GON4L: variants seen among roughly 807,000 people sequenced by gnomAD.
GON4L encodes the protein GON-4-like protein.
A neutral mutation model predicts 211.8 loss-of-function variants in GON4L; 87 were observed. The observed-to-expected ratio is 0.41, with a 90% CI of 0.35 to 0.49. GON4L has a LOEUF of 0.49. Among genes scored for constraint, GON4L ranks in the 20% least tolerant of loss-of-function variants. The pLI, the probability that GON4L is intolerant of heterozygous loss-of-function variation, is 0.15. For missense variants in GON4L, 2,155 were observed against 2,659.5 expected, an observed-to-expected ratio of 0.81 and a Z score of 4.17; for synonymous variants, 875 against 962.6, an observed-to-expected ratio of 0.91 and a Z score of 1.68.
In GON4L at chr1:155,777,813, C is replaced by T. The variant is rs201224854; in HGVS notation, c.1900G>A (p.Glu634Lys). Residue 634 changes from glutamate (E) to lysine (K), a missense_variant, in exon 15 of 32, where the codon GAA becomes AAA. Physicochemically the swap from Glu to Lys is moderately conservative, Grantham distance 56 (BLOSUM62 1). Around this residue, in one of 6 missense-constraint regions of GON4L, gnomAD observed 551 missense variants for 854.0 expected, o/e 0.65. Transcript: ENST00000368331. Reference sequence around the variant, plus strand: ...TCATTTAACAGGTTGGCCAGTGGTTCCTCAAACCTATTCCCAACAGGGAGA... The same window carrying T: ...TCATTTAACAGGTTGGCCAGTGGTTTCTCAAACCTATTCCCAACAGGGAGA... Reference protein sequence around the residue: ...FNTPQALRFEEPLANLLNEQH... With the variant: ...FNTPQALRFEKPLANLLNEQH... 1.2e-6 allele frequency: 2 copies of T among 1,606,214 alleles called. No individual in the cohort carries two copies. The highest frequency in any genetic ancestry group is 1.7e-6 in the Non-Finnish European group (2 of 1,173,180).
chr1:155,839,822 AT>A (rs369503246), intron 2 of GON4L, among the ~76,000 whole-genome samples: 3 of 152,324 alleles, frequency 2.0e-5, no homozygotes, highest in African/African-American at 7.2e-5. Flanking sequence ...ATGGTCTCCT[AT>A]GTTAAAGTAA....
intron 10 of GON4L, among the ~76,000 whole-genome samples, chr1:155,809,557 TTATA>T (rs1055785189): frequency 7.0e-6 from 1 of 143,804 alleles, no homozygotes; most frequent in Non-Finnish European, 1.5e-5. Context: ...TACTTATAAA[TTATA>T]TACTTATATA....
chr1:155,777,505 G>C, intron 15 of GON4L, 117 bp downstream of exon 15: 2 of 820,866 alleles, frequency 2.4e-6, no homozygotes, highest in Non-Finnish European at 4.3e-6. Context: ...CTTGAGCCCA[G>C]AAAGCAGAGG....
chr1:155,778,084 A>C (rs1219132656), intron 14 of GON4L, among the ~76,000 whole-genome samples: 3 of 152,154 alleles, frequency 2.0e-5, no homozygotes, highest in African/African-American at 7.2e-5. Context: ...ATAAAGAAAA[A>C]ATTAAAATGC....
downstream of GON4L, chr1:155,748,889 C>G (rs1310209722): frequency 6.2e-6 from 7 of 1,133,420 alleles, no homozygotes; most frequent in Admixed American, 4.9e-5. Context: ...CCCTCCCCAC[C>G]CCTTAAAAAG....
rs1432023336 is a variant in GON4L, at chr1:155,765,154, T to A, written c.4319A>T (p.Gln1440Leu). The A allele has an allele frequency of 1.2e-6, 2 of 1,614,164 alleles. No homozygotes were observed. The highest frequency in any genetic ancestry group is 1.3e-5 in the African/African-American group (1 of 75,048). Residue 1440 changes from glutamine (Q) to leucine (L), a missense_variant, in exon 21 of 32, where the codon CAG (glutamine) becomes CTG (leucine). By Grantham distance (113) the Gln-to-Leu change is moderately radical. Coordinates refer to ENST00000368331, the MANE Select transcript of GON4L (RefSeq NM_001282860.2). ...TGGCCCAACTGGAGTCCCCACTGAC[T>A]GACCATCAACACTGGATGAATCTTC... Reference protein sequence around the residue: ...KPEDSSSVDGQSVGTPVGPET... With the variant: ...KPEDSSSVDGLSVGTPVGPET...
At position 155,852,675 on chromosome 1, in the gene GON4L, G is replaced by A. The variant is rs972177618; in HGVS notation, c.505+601C>T. Among the ~76,000 whole-genome samples the A allele has an allele frequency of 2.6e-5, 4 of 152,132 alleles. 1 individual carries two copies. The South Asian group carries it at 6.2e-4, about 24-fold the overall frequency. On this transcript the variant is annotated intron_variant, in intron 2 of 31. Coordinates refer to ENST00000368331, the MANE Select transcript of GON4L (RefSeq NM_001282860.2). ...GGAGAATGGCGTGAACCTGGGAGGC[G>A]GAGCTTGCAGTGAGCCGAGACCACG...
Position 155,751,950 on chromosome 1 carries a change from C to G in GON4L, c.6473+10G>C, listed in dbSNP as rs747397900. On this transcript the variant is annotated intron_variant, in intron 30 of 31. Transcript: ENST00000368331. The stretch of plus-strand genomic sequence containing the variant: ...TCTTTTCCAAACACACGTCATCCAC[C>G]CTTACCTACCTTGTCCACAGGACAA... The G allele has an allele frequency of 1.2e-6, 2 of 1,612,126 alleles. No individual in the cohort carries two copies. The highest frequency in any genetic ancestry group is 1.7e-6 in the Non-Finnish European group (2 of 1,178,374).
intron 19 of GON4L, among the ~76,000 whole-genome samples, chr1:155,769,840 G>A (rs1165416417): frequency 1.3e-5 from 2 of 151,884 alleles, no homozygotes; most frequent in African/African-American, 4.8e-5. Flanking sequence ...GTGCATGTTT[G>A]TGGTGGGAGT....
chr1:155,766,190 C>A lies in GON4L; in HGVS notation c.3283G>T (p.Ala1095Ser). ...GGCAGCATTACCTTGGGCACAGGGG[C>A]AGAAGAGAGCAAAGTCTGGGACTCA... ...LSESQTLLSSAPVPKVMLPSL... is the reference protein window; with the variant it reads ...LSESQTLLSSSPVPKVMLPSL... Residue 1095 changes from alanine (A) to serine (S), a missense_variant, in exon 21 of 32, where the codon GCC becomes TCC. Ala to Ser is a moderately conservative substitution (Grantham distance 99). This residue lies in a region of GON4L where 615 missense variants were observed against 625.7 expected (regional missense o/e 0.98). Transcript: ENST00000368331. The A allele has an allele frequency of 6.2e-7, 1 of 1,614,042 alleles. No homozygotes were observed. The highest frequency in any genetic ancestry group is 1.1e-5 in the South Asian group (1 of 91,076).
At chr1:155,807,158 T>G (rs1441104501) in intron 10 of GON4L, among the ~76,000 whole-genome samples, 1 of 150,932 alleles carries the variant, frequency 6.6e-6, no homozygotes. Flanking sequence ...CCCAGCACCT[T>G]GATAGGCTGT....
At chr1:155,753,091 G>A in intron 29 of GON4L, 113 bp downstream of exon 29, 1 of 755,392 alleles carries the variant, frequency 1.3e-6, no homozygotes, top group East Asian at 2.6e-5. Flanking sequence ...CAGTGAAAGA[G>A]GTGGTATATC....
At position 155,760,568 on chromosome 1, in the gene GON4L, C is replaced by A. The variant is rs1206103569; in HGVS notation, c.4985G>T (p.Ser1662Ile). The A allele has an allele frequency of 6.2e-7, 1 of 1,613,302 alleles. No homozygotes were observed. Among genetic ancestry groups the A allele is most frequent in the Non-Finnish European group, 8.5e-7 (1 of 1,179,270 alleles). The part of the protein sequence containing the change: ...FLQVIYEFES[S>I]TQRRTAVDLY... Reference sequence around the variant, plus strand: ...ATCTACAGCCGTCCGTCTCTGGGTACTTGACTCAAATTCATAGATGACTTG... The same window carrying A: ...ATCTACAGCCGTCCGTCTCTGGGTAATTGACTCAAATTCATAGATGACTTG... The change falls in exon 24 of 32, where the codon AGT (serine) becomes ATT (isoleucine). Residue 1662 changes from serine to isoleucine, a missense_variant. By Grantham distance (142) the Ser-to-Ile change is moderately radical. Coordinates refer to ENST00000368331, the MANE Select transcript of GON4L (RefSeq NM_001282860.2).
intron 31 of GON4L, among the ~76,000 whole-genome samples, 166 bp downstream of exon 31, chr1:155,751,601 C>T (rs879239405): frequency 6.6e-6 from 1 of 152,148 alleles, no homozygotes; most frequent in South Asian, 2.1e-4. Flanking sequence ...TGTCCTTTCT[C>T]TTCTAGAACC....
In GON4L at chr1:155,819,611, A is replaced by G. The variant is rs142792595; in HGVS notation, c.1014+995T>C. Among the ~76,000 whole-genome samples, 15 of 152,248 alleles carry G rather than the reference A, an allele frequency of 9.9e-5. No individual in the cohort carries two copies. In the East Asian group the frequency reaches 2.7e-3, roughly 27 times the overall value. ...AATAAAACCAGGACAGATAAAACCT[A>G]TGATACATATTTTCGGTCTGTAAGG... is the stretch of plus-strand genomic sequence containing the variant. On this transcript the variant is annotated intron_variant, in intron 6 of 31. Transcript: ENST00000368331.
chr1:155,858,199 T>C (rs1194808420), upstream of GON4L, among the ~76,000 whole-genome samples: 1 of 152,158 alleles, frequency 6.6e-6, no homozygotes, highest in Non-Finnish European at 1.5e-5. Context: ...AATGAATGAC[T>C]TCTAAAATGA....
At position 155,762,246 on chromosome 1, in the gene GON4L, G is replaced by C; in HGVS notation, c.4855C>G (p.Arg1619Gly). ...TCCTTCTGCTCCCTGAGTGGATCTC[G>C]CTCGAGAATGTCCTCATCATACAGC... ...LLLYDEDILE[R>G]DPLREQKDLA... The change falls in exon 23 of 32, where the codon CGA becomes GGA. Residue 1619 changes from arginine (R) to glycine (G), a missense_variant. Coordinates refer to ENST00000368331, the MANE Select transcript of GON4L (RefSeq NM_001282860.2). 1 of 1,612,092 alleles carries C rather than the reference G, an allele frequency of 6.2e-7. No homozygotes were observed. The highest frequency in any genetic ancestry group is 8.5e-7 in the Non-Finnish European group (1 of 1,179,114).
At chr1:155,834,778 G>C (rs926916478) in intron 2 of GON4L, among the ~76,000 whole-genome samples, 3 of 152,146 alleles carry the variant, frequency 2.0e-5, no homozygotes, top group African/African-American at 7.2e-5. Context: ...TCTCAGTTCC[G>C]GGAAGTCCTC....
intron 10 of GON4L, among the ~76,000 whole-genome samples, chr1:155,812,645 T>C (rs1394745395): frequency 6.6e-6 from 1 of 151,368 alleles, no homozygotes; most frequent in Non-Finnish European, 1.5e-5. Context: ...AACCTCTGCC[T>C]CCCGGGTTCA....
Sources: gnomAD v4.1 joint callset for allele counts (sites outside exome capture counted in the v4.1 genomes callset) on GRCh38, gnomAD v4.1.1 for gene constraint, gnomAD v4.1.1 regional missense constraint, MANE v1.5 for transcripts, NCBI Gene and HGNC (gene_info 2026-07-23, HGNC 2026-07-21) for gene names.